Variants in KIAA1671 observed in about 807,000 individuals in gnomAD.
KIAA1671 encodes KIAA1671.
KIAA1671 carries 52 observed loss-of-function variants against 131.2 expected under a neutral mutation model. The ratio of observed to expected loss-of-function variants is 0.40; its 90% CI spans 0.32 to 0.50. The LOEUF is 0.50. Among genes scored for constraint, KIAA1671 ranks in the 20% least tolerant of loss-of-function variants. KIAA1671 has a pLI of 0.73. For missense variants in KIAA1671, 2,360 were observed against 2,364.2 expected (o/e 1.00, Z 0.04); for synonymous variants, 1,003 against 961.6 (o/e 1.04, Z -0.80).
intron 1 of KIAA1671, among the ~76,000 whole-genome samples, chr22:24,953,579 C>A (rs1358566066): frequency 6.6e-6 from 1 of 151,964 alleles, no homozygotes; most frequent in Non-Finnish European, 1.5e-5. Context: ...CCCGCGTGGT[C>A]CCCGCCCCGA....
intron 8 of KIAA1671, chr22:25,175,069 C>A (rs1417668052): frequency 1.3e-5 from 2 of 152,452 alleles, no homozygotes; most frequent in East Asian, 3.9e-4. Context: ...GTCCCAAGCA[C>A]AGCCAGGATG....
intron 6 of KIAA1671, among the ~76,000 whole-genome samples, chr22:25,151,378 G>A (rs1454942625): frequency 6.9e-6 from 1 of 145,774 alleles, no homozygotes; most frequent in East Asian, 2.0e-4. Context: ...ATACACATAT[G>A]TATATATAGA....
chr22:24,963,887 C>G (rs1453824488), intron 1 of KIAA1671, among the ~76,000 whole-genome samples: 1 of 150,370 alleles, frequency 6.7e-6, no homozygotes, highest in Non-Finnish European at 1.5e-5. Context: ...TTGCAGTGAG[C>G]CAAGATCACG....
At chr22:24,993,876 C>T (rs1426983157) in intron 1 of KIAA1671, among the ~76,000 whole-genome samples, 1 of 151,980 alleles carries the variant, frequency 6.6e-6, no homozygotes, top group African/African-American at 2.4e-5. Flanking sequence ...GTCAGGAGTT[C>T]GAGACCAGCC....
intron 1 of KIAA1671, among the ~76,000 whole-genome samples, chr22:24,979,636 A>G (rs534858437): frequency 6.6e-6 from 1 of 152,258 alleles, no homozygotes. Flanking sequence ...GGCGTGAGCC[A>G]CCGCGCCCGG....
intron 6 of KIAA1671, among the ~76,000 whole-genome samples, chr22:25,096,804 T>C (rs116254659): frequency 6.6e-6 from 1 of 152,204 alleles, no homozygotes; most frequent in South Asian, 2.1e-4. Context: ...CAAGCAACCA[T>C]GATCTGCTTT....
intron 6 of KIAA1671, among the ~76,000 whole-genome samples, chr22:25,068,535 C>T (rs560185569): frequency 1.2e-4 from 18 of 152,224 alleles, no homozygotes; most frequent in Non-Finnish European, 2.5e-4. Context: ...CTACCGGGTT[C>T]ACGCCATTCT....
Position 25,041,138 on chromosome 22 carries a change from T to G in KIAA1671, c.4008T>G (p.His1336Gln), listed in dbSNP as rs968109710. 40 of 1,550,824 alleles carry G rather than the reference T, an allele frequency of 2.6e-5. No individual in the cohort carries two copies. The highest frequency in any genetic ancestry group is 1.7e-4 in the Middle Eastern group (1 of 6,008). Reference sequence around the variant, plus strand: ...ACAGAAAGGCCTTTGCCAGTAAACATCATGTTGCAAAGTGTCAGAATTACC... The same window carrying G: ...ACAGAAAGGCCTTTGCCAGTAAACAGCATGTTGCAAAGTGTCAGAATTACC... ...EDDRKAFASK[H>Q]HVAKCQNYLA... The change falls in exon 5 of 13, where the codon CAT (histidine) becomes CAG (glutamine). Residue 1336 changes from histidine (H) to glutamine (Q), a missense_variant. His to Gln is a conservative substitution (Grantham distance 24, BLOSUM62 0). Transcript: ENST00000358431.
intron 6 of KIAA1671, among the ~76,000 whole-genome samples, chr22:25,159,573 A>T (rs761474354): frequency 3.3e-5 from 5 of 152,252 alleles, no homozygotes; most frequent in Admixed American, 2.0e-4. Flanking sequence ...GGACACCAAC[A>T]TCATCATGTG....
intron 6 of KIAA1671, among the ~76,000 whole-genome samples, chr22:25,083,701 C>T (rs530724685): frequency 2.2e-4 from 33 of 152,342 alleles, no homozygotes; most frequent in African/African-American, 6.0e-4. Context: ...CCTAGGGATA[C>T]CTTTTCCACA....
intron 6 of KIAA1671, among the ~76,000 whole-genome samples, chr22:25,081,822 G>A (rs2145865108): frequency 6.6e-6 from 1 of 152,274 alleles, no homozygotes; most frequent in Non-Finnish European, 1.5e-5. Flanking sequence ...GTAAAAAGAA[G>A]GAAGGAGAAG....
chr22:25,086,398 G>A (rs1411073245), intron 6 of KIAA1671, among the ~76,000 whole-genome samples: 1 of 152,190 alleles, frequency 6.6e-6, no homozygotes, highest in African/African-American at 2.4e-5. Context: ...CACACAATAG[G>A]TGCTGAATAA....
chr22:25,160,895 C>T (rs749697465), intron 6 of KIAA1671, among the ~76,000 whole-genome samples: 1 of 152,182 alleles, frequency 6.6e-6, no homozygotes, highest in Non-Finnish European at 1.5e-5. Flanking sequence ...GTGGTCTGCC[C>T]GGAAGCCCAT....
Position 25,040,131 on chromosome 22 carries a change from G to A in KIAA1671, c.3001G>A (p.Glu1001Lys). The A allele has an allele frequency of 6.4e-7, 1 of 1,551,700 alleles. No individual in the cohort carries two copies. Among genetic ancestry groups the A allele is most frequent in the Non-Finnish European group, 8.7e-7 (1 of 1,147,006 alleles). ...ATCCCACTACAGGGTGGAGACCCAGGAGGTGAACCCAGGTGCTTCACGGGA... is the reference window on the plus strand; with the variant it reads ...ATCCCACTACAGGGTGGAGACCCAGAAGGTGAACCCAGGTGCTTCACGGGA... Reference protein sequence around the residue: ...QLSHYRVETQEVNPGASRDQT... With the variant: ...QLSHYRVETQKVNPGASRDQT... The change falls in exon 5 of 13, where the codon GAG (glutamate) becomes AAG (lysine). Residue 1001 changes from glutamate to lysine, a missense_variant. Transcript: ENST00000358431.
chr22:25,116,382 A>AGTAT (rs139621283), intron 6 of KIAA1671, among the ~76,000 whole-genome samples: 9,221 of 139,092 alleles, frequency 0.066, 340 homozygotes, highest in East Asian at 0.074. Flanking sequence ...CCCCTCCACC[A>AGTAT]GTATGTATGT....
chr22:25,037,587 A>C (rs1035476715), intron 4 of KIAA1671, among the ~76,000 whole-genome samples: 2 of 152,166 alleles, frequency 1.3e-5, no homozygotes, highest in Non-Finnish European at 2.9e-5. Context: ...GTATTATGTA[A>C]GCATCACCAC....
chr22:25,009,878 C>T lies in KIAA1671; in HGVS notation c.-207-15755C>T, dbSNP rs569306882. 2.6e-5 allele frequency: 4 copies of T among 152,578 alleles called. No homozygotes were observed. In the East Asian group the frequency reaches 7.7e-4, roughly 29 times the overall value. 9.5% of individuals were successfully genotyped at this position (152,578 alleles called of 1,614,324 possible). A position where few individuals can be genotyped will look rare whatever the true frequency, so the allele number is the denominator to read the frequency against. On this transcript the variant is annotated intron_variant, in intron 1 of 12. Coordinates refer to ENST00000358431, the MANE Select transcript of KIAA1671 (RefSeq NM_001145206.2). ...GGATTACAGGCGTGAGCCACCATGCCTGGCCCCTTCCCTACTTTTAATCAA... is the reference window on the plus strand; with the variant it reads ...GGATTACAGGCGTGAGCCACCATGCTTGGCCCCTTCCCTACTTTTAATCAA...
chr22:25,020,187 A>G (rs1261589191), intron 1 of KIAA1671, among the ~76,000 whole-genome samples: 1 of 152,132 alleles, frequency 6.6e-6, no homozygotes, highest in Non-Finnish European at 1.5e-5. Flanking sequence ...AGCAGTGGGA[A>G]CTTGAACTGG....
intron 6 of KIAA1671, among the ~76,000 whole-genome samples, chr22:25,136,200 C>T (rs924731162): frequency 7.2e-5 from 11 of 152,122 alleles, no homozygotes; most frequent in African/African-American, 2.7e-4. Flanking sequence ...GCTTCATGTG[C>T]CTTTTATATA....
Sources: allele counts gnomAD v4.1 joint callset (sites outside exome capture counted in the v4.1 genomes callset), GRCh38; gene constraint gnomAD v4.1.1; transcripts MANE v1.5; gene names NCBI Gene and HGNC (gene_info 2026-07-23, HGNC 2026-07-21).